BEND7: variants seen among roughly 807,000 people sequenced by gnomAD.
The protein encoded by BEND7 is BEN domain containing 7.
A neutral mutation model predicts 50.9 loss-of-function variants in BEND7; 28 were observed. The observed-to-expected ratio is 0.55, with a 90% confidence interval of 0.41 to 0.75. The LOEUF is 0.75. BEND7 is among the 30% of genes least tolerant of loss of function. BEND7 has a pLI of 0.00. For synonymous variants in BEND7, 170 were observed against 183.9 expected (o/e 0.92, Z 0.61); for missense variants, 477 against 491.3 (o/e 0.97, Z 0.28).
chr10:13,509,727 G>A (rs2078143606), intron 2 of BEND7, among the ~76,000 whole-genome samples: 1 of 152,178 alleles, frequency 6.6e-6, no homozygotes, highest in Admixed American at 6.5e-5. Context: ...CGAAGCTTGA[G>A]GGCAGAGAGA....
Position 13,441,449 on chromosome 10 carries a change from A to T in BEND7, c.*294T>A. The T allele has an allele frequency of 8.8e-7, 1 of 1,130,548 alleles. No individual in the cohort carries two copies. Among genetic ancestry groups the T allele is most frequent in the Non-Finnish European group, 1.1e-6 (1 of 933,232 alleles). The allele number at this position is 1,130,548 out of a possible 1,614,324, so 70.0% of individuals were successfully genotyped here. ...CAGTGTGTAGATCCGTTCATCGCAC[A>T]CATCTTTGGGTTGAACAAGCTCCAC... On this transcript the variant is annotated 3_prime_UTR_variant, in exon 9 of 9. Transcript: ENST00000466271.
chr10:13,478,561 A>G (rs933844609), intron 6 of BEND7, among the ~76,000 whole-genome samples: 15 of 150,478 alleles, frequency 1.0e-4, no homozygotes, highest in African/African-American at 3.7e-4. Context: ...CTGATACCAC[A>G]TTCACATTTG....
chr10:13,448,554 T>C (rs1588631394), intron 7 of BEND7, among the ~76,000 whole-genome samples: 1 of 152,214 alleles, frequency 6.6e-6, no homozygotes, highest in South Asian at 2.1e-4. Context: ...ATGGCTCCCC[T>C]GTCTCCTTCA....
intron 2 of BEND7, among the ~76,000 whole-genome samples, chr10:13,504,341 A>C (rs1054819829): frequency 5.9e-5 from 9 of 151,862 alleles, no homozygotes; most frequent in Admixed American, 2.0e-4. Flanking sequence ...CTAAATCCTA[A>C]AGCAAGAGTC....
chr10:13,449,530 A>G (rs1331898539), intron 7 of BEND7, among the ~76,000 whole-genome samples: 1 of 152,242 alleles, frequency 6.6e-6, no homozygotes, highest in Non-Finnish European at 1.5e-5. Flanking sequence ...TGTCTGGGCT[A>G]TTCGTCTCTT....
At chr10:13,455,302 A>G (rs1838697688) in intron 6 of BEND7, among the ~76,000 whole-genome samples, 1 of 151,992 alleles carries the variant, frequency 6.6e-6, no homozygotes, top group Non-Finnish European at 1.5e-5. Flanking sequence ...GCCAAGGAGA[A>G]GGTGGAGGCA....
At chr10:13,482,318 A>C (rs939302689) in intron 5 of BEND7, among the ~76,000 whole-genome samples, 3 of 152,192 alleles carry the variant, frequency 2.0e-5, no homozygotes, top group Non-Finnish European at 4.4e-5. Flanking sequence ...AAGAAATGCA[A>C]TTGGTAAACT....
At chr10:13,527,155 G>A (rs2079496091) in intron 1 of BEND7, among the ~76,000 whole-genome samples, 1 of 152,158 alleles carries the variant, frequency 6.6e-6, no homozygotes, top group African/African-American at 2.4e-5. Flanking sequence ...GAATCAGATA[G>A]CACCAACAGG....
At chr10:13,526,055 G>T in intron 2 of BEND7, 83 bp downstream of exon 2, 1 of 659,032 alleles carries the variant, frequency 1.5e-6, no homozygotes, top group Non-Finnish European at 2.3e-6. Context: ...GACATTTCCC[G>T]TTCCTGAACA....
chr10:13,439,604 C>G (rs1055094324), downstream of BEND7: 2 of 1,110,488 alleles, frequency 1.8e-6, no homozygotes, highest in African/African-American at 3.2e-5. Context: ...CAAGTGACAC[C>G]CCTCCTGGTT....
In BEND7 at chr10:13,474,530, C is replaced by T. The variant is rs1254642986; in HGVS notation, c.1063+6369G>A. 5.1e-5 allele frequency among the ~76,000 whole-genome samples: 7 copies of T among 137,640 alleles called. 1 individual carries two copies. The highest frequency in any genetic ancestry group is 8.0e-5 in the Non-Finnish European group (5 of 62,260). The allele number at this position is 137,640 out of a possible 152,430, so 90.3% of individuals were successfully genotyped here. On this transcript the variant is annotated intron_variant, in intron 6 of 8. Coordinates refer to ENST00000466271, the MANE Select transcript of BEND7 (RefSeq NM_001369863.1). ...CCGCTGTTGGACTCGGGTCGATACCCGTCACCGCTGTTGGACTCGGGTTGA... is the reference window on the plus strand; with the variant it reads ...CCGCTGTTGGACTCGGGTCGATACCTGTCACCGCTGTTGGACTCGGGTTGA...
chr10:13,490,171 A>G (rs1389244542), intron 5 of BEND7, among the ~76,000 whole-genome samples: 20 of 152,242 alleles, frequency 1.3e-4, no homozygotes, highest in Non-Finnish European at 1.5e-5. Context: ...CATTTGGGTG[A>G]CACTACGAGT....
intron 5 of BEND7, among the ~76,000 whole-genome samples, chr10:13,492,079 T>C (rs1389107748): frequency 6.6e-6 from 1 of 152,042 alleles, no homozygotes; most frequent in Non-Finnish European, 1.5e-5. Context: ...GGCTGTGATA[T>C]TAAAATAGAA....
At chr10:13,502,877 AT>A in intron 2 of BEND7, 1 of 985,322 alleles carries the variant, frequency 1.0e-6, no homozygotes, top group Non-Finnish European at 1.2e-6. Flanking sequence ...TCTCAAGTCC[AT>A]GCCAGCTTGC....
chr10:13,467,135 T>C (rs1357284756), intron 6 of BEND7, among the ~76,000 whole-genome samples: 1 of 152,226 alleles, frequency 6.6e-6, no homozygotes, highest in Non-Finnish European at 1.5e-5. Context: ...TGTTCTTTTT[T>C]ACACAGTGGC....
chr10:13,484,482 T>C (rs1235459747), intron 5 of BEND7, among the ~76,000 whole-genome samples: 1 of 152,260 alleles, frequency 6.6e-6, no homozygotes, highest in East Asian at 1.9e-4. Flanking sequence ...AATTGTATCA[T>C]TGAAATCTCT....
At chr10:13,454,750 G>T (rs1393170468) in intron 6 of BEND7, among the ~76,000 whole-genome samples, 1 of 152,252 alleles carries the variant, frequency 6.6e-6, no homozygotes, top group East Asian at 1.9e-4. Flanking sequence ...GCAGCTGGTT[G>T]AATCTGTGGA....
chr10:13,444,536 T>C (rs1835881937), intron 8 of BEND7: 1 of 152,168 alleles, frequency 6.6e-6, no homozygotes, highest in Non-Finnish European at 1.5e-5. Flanking sequence ...TGTTGCTAGC[T>C]CAGATAAATG....
At chr10:13,520,660 G>A (rs1233746438) in intron 2 of BEND7, among the ~76,000 whole-genome samples, 2 of 152,180 alleles carry the variant, frequency 1.3e-5, no homozygotes, top group African/African-American at 4.8e-5. Flanking sequence ...GGAAAGTGTG[G>A]TCAGCTACTA....
Sources: allele counts gnomAD v4.1 joint callset (sites outside exome capture counted in the v4.1 genomes callset), GRCh38; gene constraint gnomAD v4.1.1; transcripts MANE v1.5; gene names NCBI Gene and HGNC (gene_info 2026-07-23, HGNC 2026-07-21).